Variants in TMEM130 observed in about 807,000 individuals in gnomAD.
The protein encoded by TMEM130 is transmembrane protein 130.
TMEM130 carries 37 observed loss-of-function variants against 42.9 expected under a neutral mutation model. The observed-to-expected ratio is 0.86, with a 90% CI of 0.66 to 1.13. TMEM130 has a LOEUF of 1.13. Among genes scored for constraint, TMEM130 ranks in the 50% most tolerant of loss-of-function variants. TMEM130 has a pLI of 0.00. For missense variants in TMEM130, 545 were observed against 562.6 expected (o/e 0.97, Z 0.32); for synonymous variants, 259 against 237.7 (o/e 1.09, Z -0.82).
intron 6 of TMEM130, among the ~76,000 whole-genome samples, chr7:98,850,273 A>ATATATATATATATATTTTTTT: frequency 5.6e-5 from 2 of 35,462 alleles, no homozygotes; most frequent in Non-Finnish European, 1.3e-4. Flanking sequence ...ATATATATAT[A>ATATATATATATATATTTTTTT]TTTTTTTTTT....
Position 98,860,365 on chromosome 7 carries a change from T to C in TMEM130, c.392-27A>G, listed in dbSNP as rs6949335. ...TGGGAGAGAGAGAGACACGGGAGGG[T>C]GAGTCTTGGAGATTCAGGGATCAGG... On this transcript the variant is annotated intron_variant, in intron 2 of 7. Transcript: ENST00000339375. The C allele has an allele frequency of 0.027, 42,042 of 1,566,632 alleles. 9,134 individuals carry two copies. The African/African-American group carries it at 0.49, about 18-fold the overall frequency.
chr7:98,852,024 G>T (rs905896893), intron 5 of TMEM130, among the ~76,000 whole-genome samples: 1 of 152,166 alleles, frequency 6.6e-6, no homozygotes, highest in Non-Finnish European at 1.5e-5. Flanking sequence ...ATAGCTCACT[G>T]CAGCCTCCAG....
At position 98,847,567 on chromosome 7, in the gene TMEM130, CTG is replaced by C. The variant is rs1398235675; in HGVS notation, c.*487_*488del. The C allele has an allele frequency of 1.3e-5, 2 of 153,672 alleles. No homozygotes were observed. The highest frequency in any genetic ancestry group is 1.9e-4 in the East Asian group (1 of 5,218). The allele number at this position is 153,672 out of a possible 1,614,324, so 9.5% of individuals were successfully genotyped here. The stretch of plus-strand genomic sequence containing the variant: ...GGTGTGTGTACATGCACACTTCTCT[CTG>C]TGAGTGTGCCCATCTATGTGTACAA... On this transcript the variant is annotated 3_prime_UTR_variant, in exon 8 of 8. Coordinates refer to ENST00000339375, the MANE Select transcript of TMEM130 (RefSeq NM_152913.3).
chr7:98,859,323 A>G (rs58666420), intron 3 of TMEM130, among the ~76,000 whole-genome samples: 20,254 of 152,150 alleles, frequency 0.13, 4,440 homozygotes, highest in African/African-American at 0.46. Flanking sequence ...AAGAGAAACG[A>G]AGCCAGAGCA....
chr7:98,861,634 G>A (rs7805676), intron 2 of TMEM130, among the ~76,000 whole-genome samples: 2,447 of 152,156 alleles, frequency 0.016, 60 homozygotes, highest in African/African-American at 0.056. Flanking sequence ...AGAATCGCTT[G>A]AACTGGGAGG....
Position 98,860,358 on chromosome 7 carries a change from G to A in TMEM130, c.392-20C>T, listed in dbSNP as rs782666483. 2.9e-5 allele frequency: 46 copies of A among 1,570,022 alleles called. No individual in the cohort carries two copies. The highest frequency in any genetic ancestry group is 3.5e-5 in the Non-Finnish European group (40 of 1,155,114). On this transcript the variant is annotated intron_variant, in intron 2 of 7. Coordinates refer to ENST00000339375, the MANE Select transcript of TMEM130 (RefSeq NM_152913.3). The stretch of plus-strand genomic sequence containing the variant: ...GGAACTCTGGGAGAGAGAGAGACAC[G>A]GGAGGGTGAGTCTTGGAGATTCAGG...
intron 6 of TMEM130, among the ~76,000 whole-genome samples, chr7:98,849,036 CT>C (rs1554397829): frequency 6.6e-6 from 1 of 152,166 alleles, no homozygotes; most frequent in Non-Finnish European, 1.5e-5. Context: ...TGCATGACTC[CT>C]GAGTCTAAGC....
chr7:98,869,959 G>C lies in TMEM130; in HGVS notation c.-98C>G, dbSNP rs558660930. ...GTCGCTCCTCCGGGCGCGCAGCGCGGGCGGTGCGGGGAGGTGCGGGCGCCG... is the reference window on the plus strand; with the variant it reads ...GTCGCTCCTCCGGGCGCGCAGCGCGCGCGGTGCGGGGAGGTGCGGGCGCCG... On this transcript the variant is annotated 5_prime_UTR_variant, in exon 1 of 8. Transcript: ENST00000339375. The surrounding 1 kb of genome is among the most constrained non-coding windows in gnomAD (Gnocchi z 4.7). 3 of 877,410 alleles carry C rather than the reference G, an allele frequency of 3.4e-6. No homozygotes were observed. The African/African-American group carries it at 5.3e-5, about 15-fold the overall frequency. 54.4% of individuals were successfully genotyped at this position (877,410 alleles called of 1,614,324 possible). A position where few individuals can be genotyped will look rare whatever the true frequency, so the allele number is the denominator to read the frequency against.
intron 1 of TMEM130, among the ~76,000 whole-genome samples, chr7:98,864,385 T>TG (rs1345362927): frequency 6.6e-6 from 1 of 150,398 alleles, no homozygotes; most frequent in African/African-American, 2.4e-5. Flanking sequence ...TTTTTTCTTT[T>TG]TTTTTTTTTT....
chr7:98,850,250 C>CATATATATATATATATATAT (rs1179088568), intron 6 of TMEM130, among the ~76,000 whole-genome samples: 2 of 64,356 alleles, frequency 3.1e-5, no homozygotes, highest in Non-Finnish European at 6.9e-5. Flanking sequence ...CTGTCTCTCT[C>CATATATATATATATATATAT]ATATATATAT....
intron 3 of TMEM130, among the ~76,000 whole-genome samples, chr7:98,856,505 T>A (rs1794638483): frequency 6.6e-6 from 1 of 152,182 alleles, no homozygotes; most frequent in Non-Finnish European, 1.5e-5. Flanking sequence ...AAAAATTTTT[T>A]GTTTTTGTTG....
chr7:98,869,735 C>T lies in TMEM130; in HGVS notation c.85+42G>A. The T allele has an allele frequency of 2.3e-6, 3 of 1,315,308 alleles. No individual in the cohort carries two copies. Among genetic ancestry groups the T allele is most frequent in the South Asian group, 1.8e-5 (1 of 54,562 alleles). The allele number at this position is 1,315,308 out of a possible 1,614,324, so 81.5% of individuals were successfully genotyped here. A position where few individuals can be genotyped will look rare whatever the true frequency, so the allele number is the denominator to read the frequency against. On this transcript the variant is annotated intron_variant, in intron 1 of 7. Coordinates refer to ENST00000339375, the MANE Select transcript of TMEM130 (RefSeq NM_152913.3). The surrounding 1 kb of genome is among the most constrained non-coding windows in gnomAD (Gnocchi z 4.7). ...CGCTGAGACGGTTCCAGGCCCCGGG[C>T]GGGCTGCGGCTGCAGGGAGGCCGGA...
rs146066203 is a variant in TMEM130, at chr7:98,861,073, A to T, written c.392-735T>A. On this transcript the variant is annotated intron_variant, in intron 2 of 7. Coordinates refer to ENST00000339375, the MANE Select transcript of TMEM130 (RefSeq NM_152913.3). Reference sequence around the variant, plus strand: ...CCAATGACCAGGCACGGTGGCTCACACCTATAATCCCAACACTTTGGGAGG... The same window carrying T: ...CCAATGACCAGGCACGGTGGCTCACTCCTATAATCCCAACACTTTGGGAGG... Among the ~76,000 whole-genome samples, 30 of 152,190 alleles carry T rather than the reference A, an allele frequency of 2.0e-4. 1 individual carries two copies. In the East Asian group the frequency reaches 3.1e-3, roughly 16 times the overall value.
chr7:98,848,246 T>A (rs527493034), intron 7 of TMEM130, 38 bp from the exon 8 acceptor site: 1 of 1,612,718 alleles, frequency 6.2e-7, no homozygotes, highest in Admixed American at 1.7e-5. Context: ...ATCAGCCACC[T>A]ATGATGAACA....
At chr7:98,862,966 G>A (rs575022631) in intron 2 of TMEM130, 129 bp downstream of exon 2, 13 of 1,012,778 alleles carry the variant, frequency 1.3e-5, no homozygotes, top group Non-Finnish European at 1.9e-5. Flanking sequence ...ACCCGGGGAA[G>A]GAACCTACGG....
chr7:98,860,066 C>CT, intron 3 of TMEM130, 113 bp downstream of exon 3: 1 of 859,234 alleles, frequency 1.2e-6, no homozygotes, highest in South Asian at 3.5e-5. Context: ...AAGACTGCAT[C>CT]TCAAAAAAAA....
At position 98,869,636 on chromosome 7, in the gene TMEM130, C is replaced by T. The variant is rs546718256; in HGVS notation, c.85+141G>A. ...AGAGGGGAAAGGGCGCTGCAGTGGC[C>T]TCAGCCGAGGAGGGAGATGCGCGCA... is the stretch of plus-strand genomic sequence containing the variant. On this transcript the variant is annotated intron_variant, in intron 1 of 7. Transcript: ENST00000339375. The surrounding 1 kb of genome is among the most constrained non-coding windows in gnomAD (Gnocchi z 4.7). 7.8e-5 allele frequency: 54 copies of T among 694,200 alleles called. No individual in the cohort carries two copies. In the African/African-American group the frequency reaches 9.2e-4, roughly 12 times the overall value. 43.0% of individuals were successfully genotyped at this position (694,200 alleles called of 1,614,324 possible).
At chr7:98,850,959 A>G (rs1794486058) in intron 6 of TMEM130, among the ~76,000 whole-genome samples, 1 of 152,128 alleles carries the variant, frequency 6.6e-6, no homozygotes, top group African/African-American at 2.4e-5. Context: ...CAAAGCTGGC[A>G]TTGGGGCAGG....
In TMEM130 at chr7:98,869,106, A is replaced by C. The variant is rs2116150081; in HGVS notation, c.85+671T>G. 7 of 1,149,724 alleles carry C rather than the reference A, an allele frequency of 6.1e-6. No individual in the cohort carries two copies. Among genetic ancestry groups the C allele is most frequent in the Non-Finnish European group, 7.8e-6 (7 of 893,252 alleles). The allele number at this position is 1,149,724 out of a possible 1,614,324, so 71.2% of individuals were successfully genotyped here. A position where few individuals can be genotyped will look rare whatever the true frequency, so the allele number is the denominator to read the frequency against. On this transcript the variant is annotated intron_variant, in intron 1 of 7. Transcript: ENST00000339375. This position sits in a 1 kb window ranked among gnomAD's most constrained non-coding sequence, Gnocchi z 4.7. ...ATCTGGGTCCTTTTATGGTTCCCAAAATGTGGCAGAGAGGTGGGTGCTGGC... is the reference window on the plus strand; with the variant it reads ...ATCTGGGTCCTTTTATGGTTCCCAACATGTGGCAGAGAGGTGGGTGCTGGC...
Sources: gnomAD v4.1 joint callset for allele counts (sites outside exome capture counted in the v4.1 genomes callset) on GRCh38, gnomAD v4.1.1 for gene constraint, Gnocchi (gnomAD v3.1) non-coding constraint, MANE v1.5 for transcripts, NCBI Gene and HGNC (gene_info 2026-07-23, HGNC 2026-07-21) for gene names.